The following FAM210A variants were observed in gnomAD, a reference collection of about 807,000 sequenced individuals.
The protein encoded by FAM210A is mitochondrial inner membrane scaffold 1, also known as family with sequence similarity 210 member A.
Under a neutral mutation model 25.3 loss-of-function variants are expected in FAM210A, and 13 were observed. That is an observed-to-expected ratio of 0.51 (90% CI 0.33 to 0.82). The LOEUF is 0.82. Among genes scored for constraint, FAM210A ranks in the 40% least tolerant of loss-of-function variants. FAM210A has a pLI of 0.02. For missense variants in FAM210A, 319 were observed against 323.2 expected, an observed-to-expected ratio of 0.99 and a Z score of 0.10; for synonymous variants, 125 against 118.7, an observed-to-expected ratio of 1.05 and a Z score of -0.35.
chr18:13,714,777 C>T (rs1330717381), intron 1 of FAM210A, among the ~76,000 whole-genome samples: 4 of 152,112 alleles, frequency 2.6e-5, no homozygotes, highest in African/African-American at 9.7e-5. Context: ...TAAAGAGCTA[C>T]AAAAATATGA....
chr18:13,689,861 C>T (rs1478247933), intron 1 of FAM210A, among the ~76,000 whole-genome samples: 1 of 152,186 alleles, frequency 6.6e-6, no homozygotes, highest in East Asian at 1.9e-4. Context: ...ATGAGTGACG[C>T]AGAAGACGGG....
intron 1 of FAM210A, among the ~76,000 whole-genome samples, chr18:13,708,478 G>T (rs546071130): frequency 2.6e-5 from 4 of 152,150 alleles, no homozygotes; most frequent in Non-Finnish European, 5.9e-5. Context: ...TATTTCTAGT[G>T]AGTCGCCCCA....
chr18:13,688,853 C>T (rs747572610), intron 1 of FAM210A, among the ~76,000 whole-genome samples: 3 of 152,232 alleles, frequency 2.0e-5, no homozygotes, highest in Non-Finnish European at 4.4e-5. Context: ...CTAAAGCAGC[C>T]GGTTCCTGCA....
chr18:13,716,811 T>C (rs1359826450), intron 1 of FAM210A, among the ~76,000 whole-genome samples: 1 of 152,176 alleles, frequency 6.6e-6, no homozygotes, highest in Non-Finnish European at 1.5e-5. Flanking sequence ...TGATTGGAAG[T>C]TTCCTGAGGC....
At chr18:13,682,666 C>T (rs1179077531) in intron 1 of FAM210A, among the ~76,000 whole-genome samples, 2 of 150,980 alleles carry the variant, frequency 1.3e-5, no homozygotes, top group African/African-American at 4.9e-5. Flanking sequence ...GTCAGGAGTT[C>T]GAGACCAGCC....
At chr18:13,672,646 G>A (rs186889954) in intron 2 of FAM210A, among the ~76,000 whole-genome samples, 2 of 152,336 alleles carry the variant, frequency 1.3e-5, no homozygotes, top group Admixed American at 1.3e-4. Context: ...CTGACCTCAT[G>A]ATCTGCCCGC....
intron 1 of FAM210A, among the ~76,000 whole-genome samples, chr18:13,700,686 A>G (rs2043732259): frequency 6.6e-6 from 1 of 152,252 alleles, no homozygotes; most frequent in African/African-American, 2.4e-5. Context: ...AAGTTCTTAA[A>G]GCAAACTAAA....
intron 1 of FAM210A, among the ~76,000 whole-genome samples, chr18:13,692,504 G>A (rs937456961): frequency 1.3e-5 from 2 of 151,786 alleles, no homozygotes; most frequent in African/African-American, 4.8e-5. Flanking sequence ...ATAGTTGGAA[G>A]TAAAGCACTC....
At chr18:13,722,981 T>TTACAGGCACGCGC (rs2043909044) in intron 1 of FAM210A, among the ~76,000 whole-genome samples, 1 of 152,068 alleles carries the variant, frequency 6.6e-6, no homozygotes, top group Non-Finnish European at 1.5e-5. Flanking sequence ...GTAGCTGGGA[T>TTACAGGCACGCGC]CATCCTTTTC....
intron 1 of FAM210A, among the ~76,000 whole-genome samples, chr18:13,693,850 C>G (rs2043670014): frequency 6.6e-6 from 1 of 152,196 alleles, no homozygotes; most frequent in African/African-American, 2.4e-5. Flanking sequence ...CTCACCACTC[C>G]TATTCAGCAT....
intron 1 of FAM210A, among the ~76,000 whole-genome samples, chr18:13,699,474 A>T (rs981422187): frequency 2.0e-5 from 3 of 151,524 alleles, no homozygotes; most frequent in Non-Finnish European, 4.4e-5. Flanking sequence ...TGTACCACTT[A>T]AAAAAAAATC....
At chr18:13,712,183 C>T (rs1021901964) in intron 1 of FAM210A, among the ~76,000 whole-genome samples, 1 of 152,080 alleles carries the variant, frequency 6.6e-6, no homozygotes, top group Non-Finnish European at 1.5e-5. Flanking sequence ...ATGTTTAAGG[C>T]AAATTAAATT....
chr18:13,708,219 A>G (rs1429556765), intron 1 of FAM210A, among the ~76,000 whole-genome samples: 1 of 152,230 alleles, frequency 6.6e-6, no homozygotes, highest in Non-Finnish European at 1.5e-5. Context: ...GGATTATTAT[A>G]AAAAATATTG....
At chr18:13,721,555 G>A (rs1423843294) in intron 1 of FAM210A, among the ~76,000 whole-genome samples, 1 of 152,066 alleles carries the variant, frequency 6.6e-6, no homozygotes, top group East Asian at 1.9e-4. Flanking sequence ...ATTATTCCAG[G>A]AAGAGGCAGC....
In FAM210A at chr18:13,664,861, C is replaced by G. The variant is rs1432102807; in HGVS notation, c.*1619G>C. 6.6e-6 allele frequency: 1 copy of G among 152,220 alleles called. No homozygotes were observed. Among genetic ancestry groups the G allele is most frequent in the Non-Finnish European group, 1.5e-5 (1 of 68,028 alleles). 9.4% of individuals were successfully genotyped at this position (152,220 alleles called of 1,614,324 possible). Reference sequence around the variant, plus strand: ...GGACTGTGTGGCAAACCCAGACATTCTCTCGCCTTAGCAGATAAGTCAAAA... The same window carrying G: ...GGACTGTGTGGCAAACCCAGACATTGTCTCGCCTTAGCAGATAAGTCAAAA... On this transcript the variant is annotated 3_prime_UTR_variant, in exon 4 of 4. Coordinates refer to ENST00000651643, the MANE Select transcript of FAM210A (RefSeq NM_152352.4).
chr18:13,690,077 C>T (rs1056121182), intron 1 of FAM210A, among the ~76,000 whole-genome samples: 20 of 152,326 alleles, frequency 1.3e-4, no homozygotes, highest in South Asian at 2.1e-4. Flanking sequence ...GCTTTTCCAA[C>T]GGCCTTAGCA....
At chr18:13,693,225 A>G (rs534646415) in intron 1 of FAM210A, among the ~76,000 whole-genome samples, 1 of 152,372 alleles carries the variant, frequency 6.6e-6, no homozygotes, top group South Asian at 2.1e-4. Flanking sequence ...GAATAGACCA[A>G]TAACAGGCTC....
chr18:13,682,314 C>T (rs747043720), intron 1 of FAM210A, among the ~76,000 whole-genome samples: 1 of 152,138 alleles, frequency 6.6e-6, no homozygotes, highest in Admixed American at 6.5e-5. Flanking sequence ...TACCTGTAAC[C>T]CCAGCACTTT....
At chr18:13,713,868 T>C (rs1228720189) in intron 1 of FAM210A, among the ~76,000 whole-genome samples, 1 of 152,138 alleles carries the variant, frequency 6.6e-6, no homozygotes, top group Non-Finnish European at 1.5e-5. Context: ...GCCTCTCAGG[T>C]AGCATACCAC....
Sources: allele counts gnomAD v4.1 joint callset (sites outside exome capture counted in the v4.1 genomes callset), GRCh38; gene constraint gnomAD v4.1.1; transcripts MANE v1.5; gene names NCBI Gene and HGNC (gene_info 2026-07-23, HGNC 2026-07-21).